Variants in PLEKHH2 observed in about 807,000 individuals in gnomAD.
PLEKHH2 encodes the protein pleckstrin homology, MyTH4 and FERM domain containing H2, also known as pleckstrin homology domain-containing family H member 2.
A neutral mutation model predicts 187.9 loss-of-function variants in PLEKHH2; 129 were observed. That is an observed-to-expected ratio of 0.69 (90% CI 0.59 to 0.79). The LOEUF (loss-of-function observed/expected upper bound fraction) is 0.79, where lower values mean the gene tolerates loss of function less well. PLEKHH2 is among the 30% of genes least tolerant of loss of function. The probability of loss-of-function intolerance (pLI) is 0.00; values close to 1 mark genes in which losing one functional copy is unlikely to be tolerated. For missense variants in PLEKHH2, 2,076 were observed against 1,751.2 expected (o/e 1.19, Z -3.31); for synonymous variants, 686 against 605.6 (o/e 1.13, Z -1.95).
At chr2:43,695,267 C>G in intron 6 of PLEKHH2, 43 bp downstream of exon 6, 1 of 1,111,746 alleles carries the variant, frequency 9.0e-7, no homozygotes, top group Non-Finnish European at 1.3e-6. Flanking sequence ...ATTTATTTGA[C>G]TATATAGGCT....
intron 1 of PLEKHH2, among the ~76,000 whole-genome samples, chr2:43,642,154 G>T (rs1665970732): frequency 6.6e-6 from 1 of 152,108 alleles, no homozygotes; most frequent in Non-Finnish European, 1.5e-5. Context: ...TTCTTTCAGT[G>T]ATGTTTTGTA....
At chr2:43,706,531 TAG>T (rs1669666400) in intron 10 of PLEKHH2, 115 bp downstream of exon 10, 7 of 749,974 alleles carry the variant, frequency 9.3e-6, no homozygotes, top group African/African-American at 5.3e-5. Context: ...TCTCCCTTTA[TAG>T]AAAGTTTTAC....
At position 43,705,398 on chromosome 2, in the gene PLEKHH2, G is replaced by T. The variant is rs1335600577; in HGVS notation, c.1727-924G>T. 2.0e-5 allele frequency among the ~76,000 whole-genome samples: 3 copies of T among 151,682 alleles called. No homozygotes were observed. The East Asian group carries it at 5.8e-4, about 29-fold the overall frequency. On this transcript the variant is annotated intron_variant, in intron 9 of 29. Transcript: ENST00000282406. Reference sequence around the variant, plus strand: ...AGCCTCCTGATTAGTTAGGATGACAGGTGCATACCACCATGCCTTGATACT... The same window carrying T: ...AGCCTCCTGATTAGTTAGGATGACATGTGCATACCACCATGCCTTGATACT...
chr2:43,722,922 A>G (rs1360906865), intron 16 of PLEKHH2, among the ~76,000 whole-genome samples: 2 of 152,240 alleles, frequency 1.3e-5, no homozygotes, highest in Non-Finnish European at 2.9e-5. Context: ...GTGAATCATT[A>G]TAGGCCTACT....
chr2:43,705,436 T>C (rs1175772300), intron 9 of PLEKHH2, among the ~76,000 whole-genome samples: 2 of 151,542 alleles, frequency 1.3e-5, no homozygotes, highest in South Asian at 2.1e-4. Flanking sequence ...TTAAGATTTT[T>C]TGTGGAGATG....
Position 43,766,218 on chromosome 2 carries a change from T to C in PLEKHH2, c.*620T>C, listed in dbSNP as rs1189522747. ...GCCTCCTGTGTGGTATTAGAAAGTATACCGTCACCTTTTCACATCACTGGA... is the reference window on the plus strand; with the variant it reads ...GCCTCCTGTGTGGTATTAGAAAGTACACCGTCACCTTTTCACATCACTGGA... On this transcript the variant is annotated 3_prime_UTR_variant, in exon 30 of 30. Coordinates refer to ENST00000282406, the MANE Select transcript of PLEKHH2 (RefSeq NM_172069.4). The C allele has an allele frequency of 6.5e-6, 1 of 152,772 alleles. No homozygotes were observed. Among genetic ancestry groups the C allele is most frequent in the Admixed American group, 6.5e-5 (1 of 15,276 alleles). The allele number at this position is 152,772 out of a possible 1,614,324, so 9.5% of individuals were successfully genotyped here.
chr2:43,752,558 A>G (rs949825232), intron 24 of PLEKHH2, among the ~76,000 whole-genome samples: 22 of 152,108 alleles, frequency 1.4e-4, no homozygotes, highest in Non-Finnish European at 3.2e-4. Flanking sequence ...GTGTAGGGGG[A>G]AGAAAAGGCT....
At chr2:43,713,745 T>C (rs933746631) in intron 15 of PLEKHH2, among the ~76,000 whole-genome samples, 5 of 151,436 alleles carry the variant, frequency 3.3e-5, no homozygotes, top group African/African-American at 1.2e-4. Flanking sequence ...TTTTGAAAAA[T>C]ACAACAAAAT....
At chr2:43,729,100 G>A (rs181568422) in intron 17 of PLEKHH2, among the ~76,000 whole-genome samples, 1 of 152,244 alleles carries the variant, frequency 6.6e-6, no homozygotes, top group East Asian at 1.9e-4. Flanking sequence ...AGCAACAAGG[G>A]AGTGCTTGTA....
chr2:43,741,108 G>C (rs1203359404), intron 21 of PLEKHH2, 65 bp downstream of exon 21: 1 of 1,403,482 alleles, frequency 7.1e-7, no homozygotes, highest in Non-Finnish European at 9.9e-7. Flanking sequence ...TAAATCATAA[G>C]TATTTAACGA....
intron 2 of PLEKHH2, among the ~76,000 whole-genome samples, chr2:43,677,781 A>C (rs1667901309): frequency 6.7e-6 from 1 of 149,782 alleles, no homozygotes. Flanking sequence ...GTGGCTGGGC[A>C]GAGGCGCCCC....
At chr2:43,689,075 C>G (rs1458057348) in intron 3 of PLEKHH2, among the ~76,000 whole-genome samples, 1 of 152,182 alleles carries the variant, frequency 6.6e-6, no homozygotes. Context: ...CAAGATCTCA[C>G]TTATATTAAT....
rs760233714 is a variant in PLEKHH2 at position 43,745,930 on chromosome 2, G to C, written c.3620G>C (p.Gly1207Ala). ...GAACAGCAGCCTGGAAAATGTGAAG[G>C]TACAAGGACTGTTCGTCTGACATAC... ...SKEQQPGKCEGTRTVRLTYKN... is the reference protein window; with the variant it reads ...SKEQQPGKCEATRTVRLTYKN... The change falls in exon 24 of 30, where the codon GGT (glycine) becomes GCT (alanine). Residue 1207 changes from glycine to alanine, a missense_variant. Gly to Ala is a moderately conservative substitution (Grantham distance 60). Coordinates refer to ENST00000282406, the MANE Select transcript of PLEKHH2 (RefSeq NM_172069.4). The C allele has an allele frequency of 6.2e-7, 1 of 1,612,196 alleles. No homozygotes were observed. Among genetic ancestry groups the C allele is most frequent in the Admixed American group, 1.7e-5 (1 of 59,890 alleles).
At chr2:43,690,939 A>G (rs905079649) in intron 3 of PLEKHH2, among the ~76,000 whole-genome samples, 7 of 152,238 alleles carry the variant, frequency 4.6e-5, no homozygotes, top group South Asian at 2.1e-4. Context: ...AAACTTTACT[A>G]TGAGTTGAAT....
chr2:43,682,447 T>C (rs919884832), intron 3 of PLEKHH2, among the ~76,000 whole-genome samples: 44 of 151,854 alleles, frequency 2.9e-4, no homozygotes, highest in East Asian at 5.8e-4. Context: ...GCTGGGACTA[T>C]AGGCACCCAC....
intron 3 of PLEKHH2, among the ~76,000 whole-genome samples, chr2:43,685,722 A>G (rs901466697): frequency 2.6e-5 from 4 of 151,494 alleles, no homozygotes; most frequent in South Asian, 2.1e-4. Flanking sequence ...GATTACCGGC[A>G]TGAGCCACCA....
intron 2 of PLEKHH2, among the ~76,000 whole-genome samples, chr2:43,647,697 G>A (rs1666248452): frequency 1.3e-5 from 2 of 152,212 alleles, no homozygotes; most frequent in Admixed American, 1.3e-4. Context: ...CCACCTCTTT[G>A]GTTTTGTGTT....
At chr2:43,672,004 A>T (rs1039372685) in intron 2 of PLEKHH2, among the ~76,000 whole-genome samples, 1 of 152,144 alleles carries the variant, frequency 6.6e-6, no homozygotes, top group African/African-American at 2.4e-5. Context: ...TCATTCTTCT[A>T]TACATTTTTG....
intron 11 of PLEKHH2, among the ~76,000 whole-genome samples, chr2:43,708,073 A>G (rs915142669): frequency 3.3e-5 from 5 of 152,208 alleles, no homozygotes; most frequent in African/African-American, 9.6e-5. Context: ...TTAATGCAGC[A>G]TGGTGTGTCT....
Sources: gnomAD v4.1 joint callset for allele counts (sites outside exome capture counted in the v4.1 genomes callset) on GRCh38, gnomAD v4.1.1 for gene constraint, MANE v1.5 for transcripts, NCBI Gene and HGNC (gene_info 2026-07-23, HGNC 2026-07-21) for gene names.